Variants in RERGL observed in about 807,000 individuals in gnomAD.
The protein encoded by RERGL is RERG like.
Under a neutral mutation model 24.7 loss-of-function variants are expected in RERGL, and 22 were observed. The observed-to-expected ratio is 0.89, with a 90% confidence interval of 0.64 to 1.27. The LOEUF is 1.27. RERGL is among the 50% of genes most tolerant of loss of function. RERGL has a pLI of 0.00. For synonymous variants in RERGL, 76 were observed against 82.6 expected (o/e 0.92, Z 0.43); for missense variants, 259 against 235.3 (o/e 1.10, Z -0.66).
chr12:18,081,025 G>C lies in RERGL; in HGVS notation c.*166C>G. ...GTGAGCAGGGTACAACAACCAAAAAGGCAAACTACATATTTGAAAACACAG... is the reference window on the plus strand; with the variant it reads ...GTGAGCAGGGTACAACAACCAAAAACGCAAACTACATATTTGAAAACACAG... On this transcript the variant is annotated 3_prime_UTR_variant, in exon 5 of 5. Coordinates refer to ENST00000538724, the MANE Select transcript of RERGL (RefSeq NM_001286201.2). 1 of 615,952 alleles carries C rather than the reference G, an allele frequency of 1.6e-6. No homozygotes were observed. Among genetic ancestry groups the C allele is most frequent in the Non-Finnish European group, 2.7e-6 (1 of 369,088 alleles). 38.2% of individuals were successfully genotyped at this position (615,952 alleles called of 1,614,324 possible). A position where few individuals can be genotyped will look rare whatever the true frequency, so the allele number is the denominator to read the frequency against.
intron 4 of RERGL, among the ~76,000 whole-genome samples, chr12:18,081,956 C>G (rs142987075): frequency 6.6e-6 from 1 of 151,906 alleles, no homozygotes; most frequent in African/African-American, 2.4e-5. Flanking sequence ...CTGGCTAACA[C>G]GGTGAAACTT....
intron 2 of RERGL, among the ~76,000 whole-genome samples, chr12:18,086,125 G>A (rs769482528): frequency 2.7e-5 from 4 of 149,602 alleles, no homozygotes; most frequent in South Asian, 2.1e-4. Flanking sequence ...CACCTGCCTC[G>A]GCCTCCCAAA....
At chr12:18,087,294 G>C (rs1295867177) in intron 2 of RERGL, among the ~76,000 whole-genome samples, 1 of 152,004 alleles carries the variant, frequency 6.6e-6, no homozygotes, top group Non-Finnish European at 1.5e-5. Flanking sequence ...AGAGGATTAG[G>C]GTTGACTTCT....
chr12:18,090,036 T>C, intron 1 of RERGL, 53 bp downstream of exon 1: 2 of 1,337,540 alleles, frequency 1.5e-6, no homozygotes, highest in East Asian at 2.6e-5. Context: ...AACATGTCAA[T>C]GTTTCTCACT....
At chr12:18,087,867 T>C (rs944944382) in intron 2 of RERGL, among the ~76,000 whole-genome samples, 2 of 152,150 alleles carry the variant, frequency 1.3e-5, no homozygotes, top group African/African-American at 2.4e-5. Flanking sequence ...GAATTTTTCT[T>C]TTTACGTTTT....
intron 2 of RERGL, among the ~76,000 whole-genome samples, chr12:18,086,801 C>T (rs1252599653): frequency 6.6e-6 from 1 of 152,118 alleles, no homozygotes; most frequent in Non-Finnish European, 1.5e-5. Flanking sequence ...TCCCTGAACT[C>T]CGGACACAAA....
chr12:18,081,554 A>T, intron 4 of RERGL, 81 bp from the exon 5 acceptor site: 2 of 1,267,250 alleles, frequency 1.6e-6, no homozygotes, highest in East Asian at 5.1e-5. Context: ...CAGATTTATA[A>T]CCAAAGGATT....
At chr12:18,088,745 C>G (rs56879453) in intron 2 of RERGL, among the ~76,000 whole-genome samples, 155 bp downstream of exon 2, 5 of 151,978 alleles carry the variant, frequency 3.3e-5, no homozygotes, top group African/African-American at 7.2e-5. Flanking sequence ...ATTCAAGTAC[C>G]TATTTTGGCA....
intron 3 of RERGL, 65 bp downstream of exon 3, chr12:18,085,555 A>T (rs1319715389): frequency 1.7e-6 from 2 of 1,152,280 alleles, no homozygotes; most frequent in Non-Finnish European, 2.5e-6. Context: ...ATAATCTTCA[A>T]ATCATAATTG....
intron 1 of RERGL, 30 bp downstream of exon 1, chr12:18,090,059 T>C: frequency 6.6e-7 from 1 of 1,514,130 alleles, no homozygotes. Context: ...TTCTACACTC[T>C]ATGATAACAG....
intron 4 of RERGL, among the ~76,000 whole-genome samples, chr12:18,083,542 G>A (rs1029818250): frequency 6.6e-6 from 1 of 152,000 alleles, no homozygotes; most frequent in Non-Finnish European, 1.5e-5. Context: ...CTCCTATCCT[G>A]CTTCCACCAG....
intron 3 of RERGL, among the ~76,000 whole-genome samples, chr12:18,085,092 G>T (rs1470567204): frequency 1.3e-5 from 2 of 152,092 alleles, no homozygotes; most frequent in African/African-American, 2.4e-5. Flanking sequence ...AAATATTTAA[G>T]ATACATTTTG....
intron 4 of RERGL, among the ~76,000 whole-genome samples, 167 bp downstream of exon 4, chr12:18,084,350 T>G (rs1442714927): frequency 6.6e-6 from 1 of 152,160 alleles, no homozygotes; most frequent in African/African-American, 2.4e-5. Flanking sequence ...AGCATTCTCA[T>G]CTTATTCTTT....
intron 4 of RERGL, among the ~76,000 whole-genome samples, chr12:18,082,058 T>A (rs1362780480): frequency 6.6e-6 from 1 of 150,958 alleles, no homozygotes; most frequent in East Asian, 2.0e-4. Context: ...GAGAATCACT[T>A]GAATCCAGGA....
chr12:18,081,007 G>A lies in RERGL; in HGVS notation c.*184C>T. On this transcript the variant is annotated 3_prime_UTR_variant, in exon 5 of 5. Transcript: ENST00000538724. ...GGTTCTGTGTGAAGGAGAGTGAGCA[G>A]GGTACAACAACCAAAAAGGCAAACT... is the stretch of plus-strand genomic sequence containing the variant. The A allele has an allele frequency of 1.8e-6, 1 of 543,114 alleles. No individual in the cohort carries two copies. The highest frequency in any genetic ancestry group is 1.9e-5 in the African/African-American group (1 of 53,282). The allele number at this position is 543,114 out of a possible 1,614,324, so 33.6% of individuals were successfully genotyped here. A position where few individuals can be genotyped will look rare whatever the true frequency, so the allele number is the denominator to read the frequency against.
intron 3 of RERGL, among the ~76,000 whole-genome samples, chr12:18,085,074 T>C (rs1394948819): frequency 2.0e-5 from 3 of 152,088 alleles, no homozygotes; most frequent in Non-Finnish European, 4.4e-5. Context: ...ATTATAAGGG[T>C]TTAGCTAAAA....
At position 18,081,430 on chromosome 12, in the gene RERGL, G is replaced by T. The variant is rs768331335; in HGVS notation, c.376C>A (p.Leu126Ile). 2.0e-5 allele frequency: 32 copies of T among 1,612,600 alleles called. No homozygotes were observed. In the South Asian group the frequency reaches 3.4e-4, roughly 17 times the overall value. Residue 126 changes from leucine (L) to isoleucine (I), a missense_variant, in exon 5 of 5, where the codon CTT becomes ATT. Leu to Ile is a conservative substitution (Grantham distance 5). Transcript: ENST00000538724. ...CAGCCAACCTCTCGCACATGACAAA[G>T]ATCTCGTTTGTTGCCAACCAAAAAC... ...AVFLVGNKRD[L>I]CHVREVGWEE...
Position 18,090,193 on chromosome 12 carries a change from T to C in RERGL, c.-53A>G. 1.4e-6 allele frequency: 2 copies of C among 1,429,220 alleles called. No individual in the cohort carries two copies. Among genetic ancestry groups the C allele is most frequent in the South Asian group, 2.8e-5 (2 of 70,868 alleles). 88.5% of individuals were successfully genotyped at this position (1,429,220 alleles called of 1,614,324 possible). A position where few individuals can be genotyped will look rare whatever the true frequency, so the allele number is the denominator to read the frequency against. ...TATTTTCTGGAACTACACTGCCCTG[T>C]GACAAGCTTTTTTTTAACTTCCTTT... is the stretch of plus-strand genomic sequence containing the variant. On this transcript the variant is annotated 5_prime_UTR_variant, in exon 1 of 5. Transcript: ENST00000538724.
chr12:18,086,672 G>T (rs1355765841), intron 2 of RERGL, among the ~76,000 whole-genome samples: 1 of 151,970 alleles, frequency 6.6e-6, no homozygotes, highest in Non-Finnish European at 1.5e-5. Context: ...TTTCAAACAT[G>T]GATCAAGTTC....
Sources: allele counts gnomAD v4.1 joint callset (sites outside exome capture counted in the v4.1 genomes callset), GRCh38; gene constraint gnomAD v4.1.1; transcripts MANE v1.5; gene names NCBI Gene and HGNC (gene_info 2026-07-23, HGNC 2026-07-21).